The following VIPR2 variants were observed in gnomAD, a reference collection of about 807,000 sequenced individuals.
VIPR2 encodes vasoactive intestinal peptide receptor 2.
A neutral mutation model predicts 58.0 loss-of-function variants in VIPR2; 48 were observed. That is an observed-to-expected ratio of 0.83 (90% CI 0.66 to 1.05). The LOEUF is 1.05. Ranked by LOEUF, VIPR2 falls within the 50% of genes least tolerant of loss-of-function variation. VIPR2 has a pLI of 0.00. For synonymous variants in VIPR2, 243 were observed against 235.2 expected, an observed-to-expected ratio of 1.03 and a Z score of -0.30; for missense variants, 534 against 558.0, an observed-to-expected ratio of 0.96 and a Z score of 0.43.
chr7:159,075,761 C>T (rs904439859), intron 4 of VIPR2, among the ~76,000 whole-genome samples: 1 of 150,310 alleles, frequency 6.7e-6, no homozygotes, highest in South Asian at 2.1e-4. Flanking sequence ...GTGAGTAGCC[C>T]AGGGCCGGCA....
At chr7:159,141,982 T>C (rs1797489735) in intron 2 of VIPR2, among the ~76,000 whole-genome samples, 1 of 152,232 alleles carries the variant, frequency 6.6e-6, no homozygotes, top group South Asian at 2.1e-4. Flanking sequence ...GTTCACAGTG[T>C]TCACCGCAGG....
At chr7:159,084,689 G>A (rs1302760693) in intron 4 of VIPR2, among the ~76,000 whole-genome samples, 1 of 152,236 alleles carries the variant, frequency 6.6e-6, no homozygotes, top group African/African-American at 2.4e-5. Context: ...CCCGGAGCAT[G>A]TGGGCCTGTT....
At chr7:159,133,109 G>A (rs1340059507) in intron 2 of VIPR2, among the ~76,000 whole-genome samples, 1 of 152,122 alleles carries the variant, frequency 6.6e-6, no homozygotes, top group Non-Finnish European at 1.5e-5. Flanking sequence ...TTTTCCATAA[G>A]AAGATTCTGA....
intron 8 of VIPR2, chr7:159,035,670 GCCCAC>G: frequency 1.0e-6 from 1 of 983,824 alleles, no homozygotes; most frequent in South Asian, 4.7e-5. Context: ...ACATCGCTGT[GCCCAC>G]CGCAGGGGCT....
rs566330804 is a variant in VIPR2 at position 159,104,048 on chromosome 7, C to T, written c.260-194G>A. Among the ~76,000 whole-genome samples, 7 of 152,298 alleles carry T rather than the reference C, an allele frequency of 4.6e-5. No homozygotes were observed. In the East Asian group the frequency reaches 7.7e-4, roughly 17 times the overall value. On this transcript the variant is annotated intron_variant, in intron 3 of 12. Transcript: ENST00000262178. ...GTGACCTGGACAGCAGGTCACCTCT[C>T]GGGGCCGGTGGGTCCTGAGATGTGA... is the stretch of plus-strand genomic sequence containing the variant.
intron 9 of VIPR2, 70 bp downstream of exon 9, chr7:159,034,511 A>G: frequency 6.8e-7 from 1 of 1,478,514 alleles, no homozygotes; most frequent in East Asian, 2.3e-5. Context: ...TTAATAAAGG[A>G]TGGCAGGCTT....
At chr7:159,135,228 C>A (rs1361766709) in intron 2 of VIPR2, among the ~76,000 whole-genome samples, 3 of 150,732 alleles carry the variant, frequency 2.0e-5, no homozygotes, top group Non-Finnish European at 4.4e-5. Flanking sequence ...TTGAGGAGTT[C>A]AAGACCAGCC....
At chr7:159,037,250 C>T (rs532810632) in intron 6 of VIPR2, among the ~76,000 whole-genome samples, 1 of 152,358 alleles carries the variant, frequency 6.6e-6, no homozygotes, top group Admixed American at 6.5e-5. Flanking sequence ...TACTCCACTT[C>T]CCCTTCTCTG....
intron 5 of VIPR2, among the ~76,000 whole-genome samples, chr7:159,045,703 C>T (rs1176332093): frequency 6.6e-6 from 1 of 152,096 alleles, no homozygotes; most frequent in Admixed American, 6.6e-5. Context: ...GTCTAATAGG[C>T]TCTGTTGGAT....
chr7:159,031,687 G>A lies in VIPR2; in HGVS notation c.1143+141C>T. 1.3e-6 allele frequency: 2 copies of A among 1,519,658 alleles called. No homozygotes were observed. Among genetic ancestry groups the A allele is most frequent in the South Asian group, 1.3e-5 (1 of 78,270 alleles). The allele number at this position is 1,519,658 out of a possible 1,614,324, so 94.1% of individuals were successfully genotyped here. A position where few individuals can be genotyped will look rare whatever the true frequency, so the allele number is the denominator to read the frequency against. On this transcript the variant is annotated intron_variant, in intron 12 of 12. Coordinates refer to ENST00000262178, the MANE Select transcript of VIPR2 (RefSeq NM_003382.5). The surrounding 1 kb of genome is among the most constrained non-coding windows in gnomAD (Gnocchi z 4.0). ...TGTGTCGTTGTGGGTTCTCTGATGG[G>A]GACACAGAACTGTGGGGTCCCGGGC...
chr7:159,065,633 T>TA (rs200972875), intron 4 of VIPR2, among the ~76,000 whole-genome samples: 2 of 152,262 alleles, frequency 1.3e-5, no homozygotes, highest in South Asian at 4.1e-4. Context: ...CAAATCCCCA[T>TA]AAAAAGACCA....
chr7:159,032,014 A>G lies in VIPR2; in HGVS notation c.1025T>C (p.Met342Thr), dbSNP rs764815017. 1.2e-6 allele frequency: 2 copies of G among 1,614,138 alleles called. No individual in the cohort carries two copies. Among genetic ancestry groups the G allele is most frequent in the Non-Finnish European group, 1.7e-6 (2 of 1,180,028 alleles). Residue 342 changes from methionine (M) to threonine (T), a missense_variant, in exon 11 of 13, where the codon ATG (methionine) becomes ACG (threonine). This residue lies in a region of VIPR2 where 306 missense variants were observed against 285.8 expected (regional missense o/e 1.07). Transcript: ENST00000262178. ...LLIPLFGVHY[M>T]VFAVFPISIS... Reference sequence around the variant, plus strand: ...GCTGATGGGAAACACGGCAAACACCATGTAGTGGACGCCGAACAGCGGGAT... The same window carrying G: ...GCTGATGGGAAACACGGCAAACACCGTGTAGTGGACGCCGAACAGCGGGAT...
intron 7 of VIPR2, 29 bp downstream of exon 7, chr7:159,036,723 G>A (rs769701404): frequency 6.3e-7 from 1 of 1,599,988 alleles, no homozygotes; most frequent in East Asian, 2.2e-5. Context: ...TGGGATGGAG[G>A]GTTTGTGGGT....
chr7:159,052,892 T>C (rs765345699), intron 5 of VIPR2, among the ~76,000 whole-genome samples: 3 of 152,198 alleles, frequency 2.0e-5, no homozygotes, highest in Non-Finnish European at 2.9e-5. Flanking sequence ...TGGTAAAAGG[T>C]ATCTTCAAAA....
rs769156510 is a variant in VIPR2 at position 159,030,755 on chromosome 7, C to T, written c.1178G>A (p.Arg393Gln). Reference sequence around the variant, plus strand: ...CCGGCTCGCGGACGGGGTCGGGCACCGGCTTCGCCATTTTCGCTTCAGCTC... The same window carrying T: ...CCGGCTCGCGGACGGGGTCGGGCACTGGCTTCGCCATTTTCGCTTCAGCTC... ...QCELKRKWRSRCPTPSASRDY... is the reference protein window; with the variant it reads ...QCELKRKWRSQCPTPSASRDY... The change falls in exon 13 of 13, where the codon CGG becomes CAG. Residue 393 changes from arginine (R) to glutamine (Q), a missense_variant. By Grantham distance (43) the Arg-to-Gln change is conservative. Around this residue, in one of 3 missense-constraint regions of VIPR2, gnomAD observed 306 missense variants for 285.8 expected, o/e 1.07. Coordinates refer to ENST00000262178, the MANE Select transcript of VIPR2 (RefSeq NM_003382.5). 5.0e-6 allele frequency: 8 copies of T among 1,591,166 alleles called. No homozygotes were observed. In the Admixed American group the frequency reaches 6.9e-5, roughly 14 times the overall value.
At position 159,128,351 on chromosome 7, in the gene VIPR2, G is replaced by A. The variant is rs1463172024; in HGVS notation, c.151+14095C>T. Among the ~76,000 whole-genome samples the A allele has an allele frequency of 6.6e-6, 1 of 152,164 alleles. No individual in the cohort carries two copies. Among genetic ancestry groups the A allele is most frequent in the Admixed American group, 6.5e-5 (1 of 15,286 alleles). On this transcript the variant is annotated intron_variant, in intron 2 of 12. Transcript: ENST00000262178. The surrounding 1 kb of genome is among the most constrained non-coding windows in gnomAD (Gnocchi z 4.1). The stretch of plus-strand genomic sequence containing the variant: ...CCTGGAGCAGTTCTGAGCCTGCAGT[G>A]GTCTCCTTGTGCCCCCAGGTGCCTG...
At chr7:159,102,600 G>A (rs997904584) in intron 4 of VIPR2, among the ~76,000 whole-genome samples, 3 of 152,226 alleles carry the variant, frequency 2.0e-5, no homozygotes, top group Non-Finnish European at 4.4e-5. Flanking sequence ...GTGAATCTTA[G>A]AGAAGTGAGC....
rs73730171 is a variant in VIPR2 at position 159,120,760 on chromosome 7, G to A, written c.152-10841C>T. 3.7e-3 allele frequency among the ~76,000 whole-genome samples: 567 copies of A among 152,258 alleles called. 5 individuals carry two copies. The highest frequency in any genetic ancestry group is 0.012 in the African/African-American group (514 of 41,540). ...TGTCCCACCGCACCCTATTTATGAC[G>A]GGTAAGAGGCTGGGCCTTGTCGCTT... On this transcript the variant is annotated intron_variant, in intron 2 of 12. Coordinates refer to ENST00000262178, the MANE Select transcript of VIPR2 (RefSeq NM_003382.5).
At chr7:159,072,243 T>A (rs1471076963) in intron 4 of VIPR2, among the ~76,000 whole-genome samples, 2 of 152,096 alleles carry the variant, frequency 1.3e-5, no homozygotes, top group East Asian at 3.9e-4. Flanking sequence ...AAAACACACA[T>A]CGCTAGACTA....
Sources: gnomAD v4.1 joint callset for allele counts (sites outside exome capture counted in the v4.1 genomes callset) on GRCh38, gnomAD v4.1.1 for gene constraint, gnomAD v4.1.1 regional missense constraint, Gnocchi (gnomAD v3.1) non-coding constraint, MANE v1.5 for transcripts, NCBI Gene and HGNC (gene_info 2026-07-23, HGNC 2026-07-21) for gene names.